EIF3E: variants seen among roughly 807,000 people sequenced by gnomAD.
The protein encoded by EIF3E is eukaryotic translation initiation factor 3 subunit E.
A neutral mutation model predicts 59.3 loss-of-function variants in EIF3E; 25 were observed. The observed-to-expected ratio is 0.42, with a 90% CI of 0.31 to 0.59. EIF3E has a LOEUF of 0.59. Among genes scored for constraint, EIF3E ranks in the 20% least tolerant of loss-of-function variants. The probability of loss-of-function intolerance (pLI) is 0.15; values close to 1 mark genes in which losing one functional copy is unlikely to be tolerated. For missense variants in EIF3E, 317 were observed against 534.3 expected (o/e 0.59, Z 4.01); for synonymous variants, 176 against 170.2 (o/e 1.03, Z -0.26).
intron 9 of EIF3E, 51 bp from the exon 10 acceptor site, chr8:108,214,767 G>A: frequency 6.8e-7 from 1 of 1,470,844 alleles, no homozygotes; most frequent in Non-Finnish European, 9.3e-7. Context: ...GCAATTGCCT[G>A]AAACGTGAAT....
rs1815030842 is a variant in EIF3E at position 108,203,319 on chromosome 8, G to A, written c.1164+82C>T. 13 of 1,339,456 alleles carry A rather than the reference G, an allele frequency of 9.7e-6. No individual in the cohort carries two copies. The South Asian group carries it at 1.0e-4, about 11-fold the overall frequency. 83.0% of individuals were successfully genotyped at this position (1,339,456 alleles called of 1,614,324 possible). ...TAAAACAAAATAAATTATTAAAGGA[G>A]GTAATAAAATGTCCTAGTTAAGAAT... On this transcript the variant is annotated intron_variant, in intron 11 of 12. Coordinates refer to ENST00000220849, the MANE Select transcript of EIF3E (RefSeq NM_001568.3).
At chr8:108,247,948 A>G (rs1659886576) in intron 1 of EIF3E, among the ~76,000 whole-genome samples, 1 of 149,726 alleles carries the variant, frequency 6.7e-6, no homozygotes, top group Non-Finnish European at 1.5e-5. Flanking sequence ...TTGAATATTA[A>G]CGACCAATTC....
intron 1 of EIF3E, among the ~76,000 whole-genome samples, chr8:108,244,870 G>A (rs1021480850): frequency 6.6e-6 from 1 of 151,810 alleles, no homozygotes; most frequent in African/African-American, 2.4e-5. Context: ...CAAAATTAGG[G>A]AATAATGTTA....
At chr8:108,239,873 A>G (rs1487096194) in intron 3 of EIF3E, 85 bp downstream of exon 3, 10 of 1,087,752 alleles carry the variant, frequency 9.2e-6, no homozygotes, top group Non-Finnish European at 1.3e-5. Context: ...AACTTTTACT[A>G]TGGGATACTG....
chr8:108,227,022 G>A (rs1586202308), intron 7 of EIF3E, among the ~76,000 whole-genome samples: 1 of 152,114 alleles, frequency 6.6e-6, no homozygotes, highest in South Asian at 2.1e-4. Context: ...GTAAAAGTAT[G>A]AACTAAGACT....
At chr8:108,248,243 A>G (rs769967175) in intron 1 of EIF3E, among the ~76,000 whole-genome samples, 21 of 152,324 alleles carry the variant, frequency 1.4e-4, no homozygotes, top group Non-Finnish European at 2.8e-4. Context: ...AAGAAAAATC[A>G]AAAGCTCTAA....
chr8:108,223,311 G>T (rs754244955), intron 7 of EIF3E, among the ~76,000 whole-genome samples: 4 of 152,110 alleles, frequency 2.6e-5, no homozygotes, highest in Non-Finnish European at 5.9e-5. Context: ...TTTAAAAAGA[G>T]AAAAACAAAA....
chr8:108,208,580 T>A (rs1446232302), intron 10 of EIF3E, among the ~76,000 whole-genome samples: 1 of 151,704 alleles, frequency 6.6e-6, no homozygotes, highest in Non-Finnish European at 1.5e-5. Flanking sequence ...ATAATGGCCT[T>A]TGAAACTGTT....
intron 3 of EIF3E, among the ~76,000 whole-genome samples, chr8:108,238,153 T>A (rs1815769671): frequency 6.6e-6 from 1 of 152,242 alleles, no homozygotes; most frequent in African/African-American, 2.4e-5. Flanking sequence ...GCTGTCCCTT[T>A]GTAATCACCT....
rs1815309131 is a variant in EIF3E, at chr8:108,216,528, C to G, written c.850-15G>C. The G allele has an allele frequency of 1.3e-6, 2 of 1,556,432 alleles. No individual in the cohort carries two copies. The highest frequency in any genetic ancestry group is 1.7e-4 in the Middle Eastern group (1 of 5,936). ...GTGTAAGACTCCTGTAAAAATAAGTCAACGGTCAAGGTAAGTCTGATTCAA... is the reference window on the plus strand; with the variant it reads ...GTGTAAGACTCCTGTAAAAATAAGTGAACGGTCAAGGTAAGTCTGATTCAA... On this transcript the variant is annotated splice_polypyrimidine_tract_variant and intron_variant, in intron 8 of 12. Transcript: ENST00000220849.
intron 9 of EIF3E, 90 bp from the exon 10 acceptor site, chr8:108,214,806 T>A (rs1251852440): frequency 1.7e-6 from 2 of 1,163,846 alleles, no homozygotes; most frequent in Non-Finnish European, 2.5e-6. Flanking sequence ...TATTTTTCCA[T>A]TCTACAATCA....
chr8:108,245,399 G>A (rs984005839), intron 1 of EIF3E, among the ~76,000 whole-genome samples: 1 of 152,194 alleles, frequency 6.6e-6, no homozygotes, highest in African/African-American at 2.4e-5. Flanking sequence ...AGCCCAGAAA[G>A]TCAGGGCTGT....
chr8:108,240,465 C>T (rs1016655358), intron 2 of EIF3E, among the ~76,000 whole-genome samples: 1 of 152,142 alleles, frequency 6.6e-6, no homozygotes, highest in African/African-American at 2.4e-5. Context: ...TGAATATTAT[C>T]CCAGAGTTTT....
At chr8:108,232,615 TATA>T (rs761229444) in intron 5 of EIF3E, among the ~76,000 whole-genome samples, 2 of 152,180 alleles carry the variant, frequency 1.3e-5, no homozygotes, top group African/African-American at 2.4e-5. Flanking sequence ...ACTACATAAA[TATA>T]ATACTATTAA....
intron 9 of EIF3E, 53 bp downstream of exon 9, chr8:108,216,359 A>T: frequency 7.4e-7 from 1 of 1,345,162 alleles, no homozygotes; most frequent in East Asian, 2.5e-5. Flanking sequence ...TAACGTTACA[A>T]TATCCAAAAA....
intron 7 of EIF3E, among the ~76,000 whole-genome samples, chr8:108,221,005 G>A (rs1476593406): frequency 6.6e-6 from 1 of 151,674 alleles, no homozygotes; most frequent in East Asian, 1.9e-4. Context: ...CTGCACTCCA[G>A]ACTGGGCGAC....
intron 4 of EIF3E, 65 bp downstream of exon 4, chr8:108,236,096 A>G: frequency 2.9e-6 from 4 of 1,403,422 alleles, no homozygotes; most frequent in Non-Finnish European, 2.0e-6. Flanking sequence ...GCTCATCTGT[A>G]CAAACCAGTC....
intron 10 of EIF3E, among the ~76,000 whole-genome samples, chr8:108,204,808 AT>A (rs1815068978): frequency 7.0e-6 from 1 of 142,308 alleles, no homozygotes; most frequent in Admixed American, 7.1e-5. Context: ...GAGAGACTGA[AT>A]TTCAGATAAA....
At chr8:108,241,303 T>TA (rs374361302) in intron 2 of EIF3E, among the ~76,000 whole-genome samples, 1 of 152,114 alleles carries the variant, frequency 6.6e-6, no homozygotes, top group African/African-American at 2.4e-5. Context: ...GAGGACCACT[T>TA]AACAGTTTTG....
Sources: gnomAD v4.1 joint callset for allele counts (sites outside exome capture counted in the v4.1 genomes callset) on GRCh38, gnomAD v4.1.1 for gene constraint, MANE v1.5 for transcripts, NCBI Gene and HGNC (gene_info 2026-07-23, HGNC 2026-07-21) for gene names.